Variants in ABCA13 observed in about 807,000 individuals in gnomAD.
ABCA13 encodes ATP binding cassette subfamily A member 13.
Under a neutral mutation model 478.7 loss-of-function variants are expected in ABCA13, and 476 were observed. The ratio of observed to expected loss-of-function variants is 0.99; its 90% CI spans 0.92 to 1.07. The LOEUF is 1.07. ABCA13 is among the 50% of genes least tolerant of loss of function. The pLI is 0.00. For missense variants in ABCA13, 6,060 were observed against 5,910.6 expected, an observed-to-expected ratio of 1.03 and a Z score of -0.83; for synonymous variants, 2,252 against 2,158.9, an observed-to-expected ratio of 1.04 and a Z score of -1.20.
intron 58 of ABCA13, among the ~76,000 whole-genome samples, chr7:48,610,448 T>A (rs1288746528): frequency 6.6e-6 from 1 of 152,196 alleles, no homozygotes; most frequent in Non-Finnish European, 1.5e-5. Context: ...CTGTGGCTTT[T>A]CCAGGAGCGC....
At chr7:48,234,342 C>CT (rs1380098726) in intron 8 of ABCA13, 191 bp downstream of exon 8, 2 of 691,274 alleles carry the variant, frequency 2.9e-6, no homozygotes. Context: ...TCTCTTTCTT[C>CT]TTACCATGTA....
chr7:48,495,531 T>C (rs929956692), intron 48 of ABCA13, among the ~76,000 whole-genome samples: 2 of 152,224 alleles, frequency 1.3e-5, no homozygotes, highest in Admixed American at 1.3e-4. Context: ...ATGTACATTA[T>C]ATGTCAATTA....
chr7:48,537,558 C>A (rs1328841763), intron 55 of ABCA13, among the ~76,000 whole-genome samples: 1 of 152,128 alleles, frequency 6.6e-6, no homozygotes, highest in Non-Finnish European at 1.5e-5. Context: ...CTGTGTCATT[C>A]CCCTATTGAT....
intron 48 of ABCA13, among the ~76,000 whole-genome samples, chr7:48,490,274 C>A (rs1341403075): frequency 6.6e-6 from 1 of 152,192 alleles, no homozygotes; most frequent in Non-Finnish European, 1.5e-5. Flanking sequence ...AATAACATTT[C>A]TAACATATTT....
At chr7:48,244,452 T>C in intron 10 of ABCA13, 124 bp from the exon 11 acceptor site, 1 of 1,183,160 alleles carries the variant, frequency 8.5e-7, no homozygotes, top group East Asian at 2.6e-5. Context: ...AAGTGTGACT[T>C]TCAGTCTAGT....
At chr7:48,618,522 T>A (rs1245902126) in intron 59 of ABCA13, among the ~76,000 whole-genome samples, 1 of 152,172 alleles carries the variant, frequency 6.6e-6, no homozygotes, top group Non-Finnish European at 1.5e-5. Context: ...GTATTACAGT[T>A]TCCAATAATA....
At chr7:48,597,245 C>T (rs113729539) in intron 58 of ABCA13, among the ~76,000 whole-genome samples, 7 of 152,284 alleles carry the variant, frequency 4.6e-5, no homozygotes, top group South Asian at 2.1e-4. Context: ...CCACCATGCC[C>T]GGCCTATGGC....
In ABCA13 at chr7:48,480,359, C is replaced by G. The variant is rs74620978; in HGVS notation, c.12976-677C>G. 4.7e-3 allele frequency among the ~76,000 whole-genome samples: 722 copies of G among 152,330 alleles called. 4 individuals carry two copies. Among genetic ancestry groups the G allele is most frequent in the African/African-American group, 0.016 (681 of 41,566 alleles). ...TGGCTTTCTGTGCAGCAAGACCAAA[C>G]CCCTGGCATTTTGATAACAAAAGAC... is the stretch of plus-strand genomic sequence containing the variant. On this transcript the variant is annotated intron_variant, in intron 45 of 61. Transcript: ENST00000435803.
chr7:48,329,743 A>G (rs773049274), intron 27 of ABCA13, among the ~76,000 whole-genome samples: 1 of 151,944 alleles, frequency 6.6e-6, no homozygotes, highest in Non-Finnish European at 1.5e-5. Flanking sequence ...CCATCCATCC[A>G]CACATCTATC....
At chr7:48,489,411 A>C in intron 48 of ABCA13, 67 bp downstream of exon 48, 1 of 1,373,176 alleles carries the variant, frequency 7.3e-7, no homozygotes, top group Non-Finnish European at 1.0e-6. Flanking sequence ...AAGTGAAAGA[A>C]ACAGAAAAGT....
intron 43 of ABCA13, among the ~76,000 whole-genome samples, chr7:48,458,891 G>A (rs987228829): frequency 2.6e-5 from 4 of 152,198 alleles, no homozygotes; most frequent in African/African-American, 9.7e-5. Context: ...AAAGATGCTT[G>A]TTTTGTAACC....
chr7:48,472,884 T>TG (rs1827661070), intron 45 of ABCA13, among the ~76,000 whole-genome samples: 1 of 152,180 alleles, frequency 6.6e-6, no homozygotes, highest in Non-Finnish European at 1.5e-5. Flanking sequence ...ACCCTTTTTA[T>TG]TAATCCATTT....
intron 38 of ABCA13, among the ~76,000 whole-genome samples, chr7:48,397,786 T>C (rs1817045211): frequency 6.6e-6 from 1 of 152,218 alleles, no homozygotes; most frequent in Non-Finnish European, 1.5e-5. Flanking sequence ...ATGCTGACAC[T>C]GTGAGGGCCA....
At chr7:48,499,887 G>C (rs1379106514) in intron 48 of ABCA13, among the ~76,000 whole-genome samples, 1 of 152,116 alleles carries the variant, frequency 6.6e-6, no homozygotes, top group East Asian at 1.9e-4. Context: ...AGAGTACTGA[G>C]TGCTCAACAT....
chr7:48,233,166 T>G (rs1185525886), intron 7 of ABCA13, among the ~76,000 whole-genome samples: 1 of 152,180 alleles, frequency 6.6e-6, no homozygotes, highest in Non-Finnish European at 1.5e-5. Context: ...GTGAATGTCA[T>G]GGATTGTGCT....
chr7:48,557,949 G>T (rs1786014515), intron 55 of ABCA13, among the ~76,000 whole-genome samples: 4 of 151,826 alleles, frequency 2.6e-5, no homozygotes. Flanking sequence ...GCCCTTTCGA[G>T]GCTATTTTCT....
intron 1 of ABCA13, among the ~76,000 whole-genome samples, chr7:48,181,663 G>T (rs1485284853): frequency 6.6e-6 from 1 of 151,710 alleles, no homozygotes; most frequent in African/African-American, 2.4e-5. Context: ...TTGAAATGCA[G>T]TAGGGCCTCT....
At chr7:48,313,738 G>A (rs907302781) in intron 25 of ABCA13, among the ~76,000 whole-genome samples, 6 of 152,198 alleles carry the variant, frequency 3.9e-5, no homozygotes, top group African/African-American at 1.4e-4. Flanking sequence ...CGAATGAGGA[G>A]GAGTGTGGAA....
chr7:48,270,544 T>TTC (rs1795460684), intron 16 of ABCA13, among the ~76,000 whole-genome samples: 1 of 152,182 alleles, frequency 6.6e-6, no homozygotes. Context: ...GAGGGCTGGA[T>TTC]TTAGGCAAGG....
Sources: gnomAD v4.1 joint callset for allele counts (sites outside exome capture counted in the v4.1 genomes callset) on GRCh38, gnomAD v4.1.1 for gene constraint, MANE v1.5 for transcripts, NCBI Gene and HGNC (gene_info 2026-07-23, HGNC 2026-07-21) for gene names.